The following MYO1D variants were observed in gnomAD, a reference collection of about 807,000 sequenced individuals.
MYO1D encodes the protein myosin ID.
In MYO1D, 83 loss-of-function variants were observed where a neutral mutation model predicts 122.0. The observed-to-expected ratio is 0.68, with a 90% CI of 0.57 to 0.82. The LOEUF is 0.82. Among genes scored for constraint, MYO1D ranks in the 40% least tolerant of loss-of-function variants. The pLI is 0.00. For synonymous variants in MYO1D, 464 were observed against 446.9 expected (o/e 1.04, Z -0.48); for missense variants, 1,157 against 1,269.5 (o/e 0.91, Z 1.35).
At chr17:32,748,255 T>C (rs993630860) in intron 12 of MYO1D, among the ~76,000 whole-genome samples, 1 of 152,196 alleles carries the variant, frequency 6.6e-6, no homozygotes, top group African/African-American at 2.4e-5. Flanking sequence ...GTAGCAAAAA[T>C]GGTTTTTGCT....
intron 10 of MYO1D, 177 bp downstream of exon 10, chr17:32,760,113 T>A (rs1259705744): frequency 2.7e-6 from 2 of 733,498 alleles, no homozygotes; most frequent in Non-Finnish European, 2.5e-6. Flanking sequence ...TCTATCAAAT[T>A]ATAGCAATCC....
chr17:32,727,732 T>C (rs895966499), intron 14 of MYO1D: 1 of 152,148 alleles, frequency 6.6e-6, no homozygotes, highest in Non-Finnish European at 1.5e-5. Context: ...ATGAACTAAA[T>C]GATTTATTCA....
intron 21 of MYO1D, among the ~76,000 whole-genome samples, chr17:32,558,046 C>T (rs1445989587): frequency 6.6e-6 from 1 of 151,832 alleles, no homozygotes; most frequent in African/African-American, 2.4e-5. Flanking sequence ...AGTTTTTATC[C>T]CCTTAAACAT....
intron 1 of MYO1D, among the ~76,000 whole-genome samples, chr17:32,812,608 G>A (rs1245543068): frequency 2.0e-5 from 3 of 152,146 alleles, no homozygotes; most frequent in Non-Finnish European, 4.4e-5. Context: ...GAGGGAACTG[G>A]AGAGACAAGT....
At chr17:32,793,599 C>T (rs902583550) in intron 1 of MYO1D, among the ~76,000 whole-genome samples, 6 of 152,130 alleles carry the variant, frequency 3.9e-5, no homozygotes, top group African/African-American at 1.4e-4. Flanking sequence ...GAAAAGGATG[C>T]TTTATTTTGA....
At chr17:32,717,932 C>A (rs925673624) in intron 15 of MYO1D, among the ~76,000 whole-genome samples, 1 of 152,092 alleles carries the variant, frequency 6.6e-6, no homozygotes, top group Non-Finnish European at 1.5e-5. Context: ...TAGTGCCTCT[C>A]CCCTATTCTT....
intron 16 of MYO1D, among the ~76,000 whole-genome samples, chr17:32,684,542 C>T (rs1040087648): frequency 1.8e-4 from 27 of 152,114 alleles, no homozygotes; most frequent in African/African-American, 5.6e-4. Context: ...TTTAAAGACT[C>T]GCTGATCTGT....
At chr17:32,821,165 G>A (rs142848124) in intron 1 of MYO1D, among the ~76,000 whole-genome samples, 1,580 of 152,214 alleles carry the variant, frequency 0.01, 16 homozygotes, top group African/African-American at 0.035. Flanking sequence ...TAAGGATAAT[G>A]GCCTCCAGCT....
chr17:32,615,110 T>C (rs4795715), intron 20 of MYO1D, among the ~76,000 whole-genome samples: 9,319 of 152,268 alleles, frequency 0.061, 371 homozygotes, highest in East Asian at 0.2. Flanking sequence ...CTGGGGTGGA[T>C]TGTTACACAG....
Position 32,877,082 on chromosome 17 carries a change from C to T in MYO1D, c.-210G>A, listed in dbSNP as rs1244586981. 1 of 215,524 alleles carries T rather than the reference C, an allele frequency of 4.6e-6. No homozygotes were observed. Among genetic ancestry groups the T allele is most frequent in the East Asian group, 1.1e-4 (1 of 9,096 alleles). The allele number at this position is 215,524 out of a possible 1,614,324, so 13.4% of individuals were successfully genotyped here. On this transcript the variant is annotated 5_prime_UTR_variant, in exon 1 of 22. In the 5' UTR this introduces an upstream ATG that the reference lacks. Transcript: ENST00000318217. ...CCGGCGCGGCTCCGAACGGGACGCA[C>T]CCGACAGTTTCCGCTCCTCCCGCCG...
intron 21 of MYO1D, among the ~76,000 whole-genome samples, chr17:32,524,960 C>G (rs1910295114): frequency 1.3e-5 from 2 of 152,332 alleles, no homozygotes; most frequent in Middle Eastern, 3.4e-3. Context: ...GCACTGGCCT[C>G]CCAAAGTGCT....
At chr17:32,623,837 A>G (rs1264535855) in intron 20 of MYO1D, among the ~76,000 whole-genome samples, 1 of 152,200 alleles carries the variant, frequency 6.6e-6, no homozygotes, top group East Asian at 1.9e-4. Flanking sequence ...GTGTCCTCAC[A>G]TGGCAAAAGG....
chr17:32,767,586 A>G, intron 7 of MYO1D, 50 bp downstream of exon 7: 3 of 1,225,040 alleles, frequency 2.4e-6, no homozygotes, highest in Non-Finnish European at 3.5e-6. Flanking sequence ...CTGAGAAAGC[A>G]TCCTGTTCTC....
At position 32,813,522 on chromosome 17, in the gene MYO1D, C is replaced by T. The variant is rs534073069; in HGVS notation, c.96-32738G>A. Among the ~76,000 whole-genome samples, 9 of 152,000 alleles carry T rather than the reference C, an allele frequency of 5.9e-5. No homozygotes were observed. In the South Asian group the frequency reaches 1.9e-3, roughly 32 times the overall value. ...AGGAGGAGTGGGAAAGAGTAGTGTG[C>T]CACATGGAGATCTCAGCAGGAACAG... On this transcript the variant is annotated intron_variant, in intron 1 of 21. Coordinates refer to ENST00000318217, the MANE Select transcript of MYO1D (RefSeq NM_015194.3).
intron 16 of MYO1D, among the ~76,000 whole-genome samples, chr17:32,697,579 G>T (rs2089188988): frequency 6.6e-6 from 1 of 151,542 alleles, no homozygotes; most frequent in Non-Finnish European, 1.5e-5. Context: ...CCTAGCCATA[G>T]CTCGAAAGTC....
At chr17:32,599,498 T>C (rs2087536065) in intron 21 of MYO1D, among the ~76,000 whole-genome samples, 1 of 152,218 alleles carries the variant, frequency 6.6e-6, no homozygotes, top group Non-Finnish European at 1.5e-5. Flanking sequence ...AAACTTCTGT[T>C]AGTGTTAATA....
At chr17:32,748,354 G>A (rs922517806) in intron 12 of MYO1D, among the ~76,000 whole-genome samples, 3 of 151,814 alleles carry the variant, frequency 2.0e-5, no homozygotes, top group African/African-American at 7.3e-5. Context: ...TCTTCTACTT[G>A]GAAAGCTTTC....
At chr17:32,850,439 G>T (rs1335532997) in intron 1 of MYO1D, among the ~76,000 whole-genome samples, 1 of 152,128 alleles carries the variant, frequency 6.6e-6, no homozygotes, top group Non-Finnish European at 1.5e-5. Flanking sequence ...TCCTATCAAA[G>T]AATGCAGCCA....
In MYO1D at chr17:32,791,963, AT is replaced by A. The variant is rs541860043; in HGVS notation, c.96-11180del. On this transcript the variant is annotated intron_variant, in intron 1 of 21. Coordinates refer to ENST00000318217, the MANE Select transcript of MYO1D (RefSeq NM_015194.3). ...AGTTGTTGTTTTTGAATGAATGGCAATTTTTTTTTCTCTAATTAAAATGTTT... is the reference window on the plus strand; with the variant it reads ...AGTTGTTGTTTTTGAATGAATGGCAATTTTTTTTCTCTAATTAAAATGTTT... 1.8e-3 allele frequency among the ~76,000 whole-genome samples: 280 copies of A among 151,650 alleles called. 2 individuals carry two copies. Among genetic ancestry groups the A allele is most frequent in the Middle Eastern group, 0.01 (3 of 288 alleles).
Sources: gnomAD v4.1 joint callset for allele counts (sites outside exome capture counted in the v4.1 genomes callset) on GRCh38, gnomAD v4.1.1 for gene constraint, MANE v1.5 for transcripts, NCBI Gene and HGNC (gene_info 2026-07-23, HGNC 2026-07-21) for gene names.